The following COL21A1 variants were observed in gnomAD, a reference collection of about 807,000 sequenced individuals.
COL21A1 encodes collagen alpha-1(XXI) chain.
COL21A1 carries 149 observed loss-of-function variants against 137.9 expected under a neutral mutation model. The ratio of observed to expected loss-of-function variants is 1.08; its 90% confidence interval spans 0.95 to 1.24. The LOEUF is 1.24. Among genes scored for constraint, COL21A1 ranks in the 50% most tolerant of loss-of-function variants. The pLI, the probability that COL21A1 is intolerant of heterozygous loss-of-function variation, is 0.00. For missense variants in COL21A1, 1,167 were observed against 1,158.4 expected, an observed-to-expected ratio of 1.01 and a Z score of -0.11; for synonymous variants, 456 against 391.5, an observed-to-expected ratio of 1.16 and a Z score of -1.95.
chr6:56,101,549 AAT>A, intron 16 of COL21A1, 24 bp from the exon 17 acceptor site: 1 of 1,557,310 alleles, frequency 6.4e-7, no homozygotes. Context: ...GACAAAAAGA[AAT>A]AGAGAATTCA....
chr6:56,067,215 G>C (rs1766338246), intron 23 of COL21A1, 80 bp downstream of exon 23: 2 of 1,151,684 alleles, frequency 1.7e-6, no homozygotes, highest in African/African-American at 3.2e-5. Flanking sequence ...GAAACAGAAA[G>C]GAATTTAAAA....
At chr6:56,067,859 A>G (rs1449070513) in intron 22 of COL21A1, among the ~76,000 whole-genome samples, 1 of 151,680 alleles carries the variant, frequency 6.6e-6, no homozygotes, top group East Asian at 1.9e-4. Flanking sequence ...GAAATTAGAA[A>G]CCAACTTATA....
chr6:56,248,795 T>C, upstream of COL21A1, among the ~76,000 whole-genome samples: 1 of 152,202 alleles, frequency 6.6e-6, no homozygotes, highest in East Asian at 1.9e-4. Context: ...CATGTTAGAT[T>C]CTACTGTTAC....
At chr6:56,237,054 C>T (rs190367393) in intron 1 of COL21A1, among the ~76,000 whole-genome samples, 1 of 152,076 alleles carries the variant, frequency 6.6e-6, no homozygotes, top group East Asian at 1.9e-4. Flanking sequence ...GCAAAATGTG[C>T]CTTTTTCTCC....
Position 56,247,513 on chromosome 6 carries a change from C to T in COL21A1, c.-165G>A, listed in dbSNP as rs1013156126. Reference sequence around the variant, plus strand: ...ACCTGCGCTGAAACGGATTGGCTGCCCTCCGCCCGGAGTCCGTTCTCCCTG... The same window carrying T: ...ACCTGCGCTGAAACGGATTGGCTGCTCTCCGCCCGGAGTCCGTTCTCCCTG... On this transcript the variant is annotated 5_prime_UTR_variant, in exon 1 of 30. Coordinates refer to ENST00000244728, the MANE Select transcript of COL21A1 (RefSeq NM_030820.4). 2 of 152,400 alleles carry T rather than the reference C, an allele frequency of 1.3e-5. No individual in the cohort carries two copies. The highest frequency in any genetic ancestry group is 2.4e-5 in the African/African-American group (1 of 41,460). The allele number at this position is 152,400 out of a possible 1,614,324, so 9.4% of individuals were successfully genotyped here.
At chr6:56,369,464 T>A (rs1766178099) in intron 1 of COL21A1, among the ~76,000 whole-genome samples, 1 of 151,938 alleles carries the variant, frequency 6.6e-6, no homozygotes, top group African/African-American at 2.4e-5. Context: ...AAGTGTCTGA[T>A]GTTGAGACCC....
chr6:56,324,614 T>A (rs1490490896), intron 1 of COL21A1, among the ~76,000 whole-genome samples: 1 of 152,046 alleles, frequency 6.6e-6, no homozygotes, highest in African/African-American at 2.4e-5. Context: ...TGCACACATC[T>A]GATCATGGTG....
chr6:56,353,072 G>T (rs768138397), intron 1 of COL21A1, among the ~76,000 whole-genome samples: 5 of 152,064 alleles, frequency 3.3e-5, no homozygotes, highest in Non-Finnish European at 5.9e-5. Flanking sequence ...AAGATCTTCA[G>T]ATCGTGACTC....
chr6:56,243,095 A>G (rs1423687022), intron 1 of COL21A1, among the ~76,000 whole-genome samples: 1 of 152,202 alleles, frequency 6.6e-6, no homozygotes, highest in Non-Finnish European at 1.5e-5. Context: ...TATTACGCAA[A>G]TTCTAATATC....
At chr6:56,181,163 C>A (rs966459463) in intron 2 of COL21A1, among the ~76,000 whole-genome samples, 11 of 152,132 alleles carry the variant, frequency 7.2e-5, no homozygotes, top group African/African-American at 2.7e-4. Flanking sequence ...TGACATTATT[C>A]CTAAAGTGTT....
intron 1 of COL21A1, among the ~76,000 whole-genome samples, chr6:56,372,452 G>A (rs1208182182): frequency 6.6e-6 from 1 of 152,170 alleles, no homozygotes; most frequent in Non-Finnish European, 1.5e-5. Context: ...AACGCATCAA[G>A]AGTATTCAGA....
intron 12 of COL21A1, 39 bp downstream of exon 12, chr6:56,141,746 G>A (rs757803768): frequency 1.3e-6 from 2 of 1,596,956 alleles, no homozygotes; most frequent in South Asian, 1.1e-5. Context: ...TTATCTTTGA[G>A]GGACTAACAC....
intron 1 of COL21A1, among the ~76,000 whole-genome samples, chr6:56,189,996 T>C (rs1169059455): frequency 2.0e-5 from 3 of 152,040 alleles, no homozygotes; most frequent in African/African-American, 4.8e-5. Context: ...GAAAAACTGG[T>C]AGCAACCACT....
At chr6:56,087,205 T>A (rs777414272) in intron 17 of COL21A1, among the ~76,000 whole-genome samples, 4 of 152,206 alleles carry the variant, frequency 2.6e-5, no homozygotes, top group Non-Finnish European at 5.9e-5. Context: ...TAGAATTTTA[T>A]GTTTCAGGCT....
At chr6:56,175,464 A>T (rs1190579921) in intron 3 of COL21A1, among the ~76,000 whole-genome samples, 1 of 152,140 alleles carries the variant, frequency 6.6e-6, no homozygotes, top group Admixed American at 6.5e-5. Flanking sequence ...ATACAAATTC[A>T]ACATATAAAA....
At chr6:56,371,121 C>A (rs1159993904) in intron 1 of COL21A1, among the ~76,000 whole-genome samples, 2 of 152,180 alleles carry the variant, frequency 1.3e-5, no homozygotes, top group African/African-American at 4.8e-5. Flanking sequence ...AAGGGAAATT[C>A]AGCCAATAAG....
intron 16 of COL21A1, among the ~76,000 whole-genome samples, chr6:56,106,567 A>T (rs1470998486): frequency 6.6e-6 from 1 of 152,198 alleles, no homozygotes; most frequent in African/African-American, 2.4e-5. Flanking sequence ...AGAATCTACA[A>T]CTAAGAAGAC....
intron 22 of COL21A1, 137 bp downstream of exon 22, chr6:56,068,909 A>T: frequency 1.6e-6 from 1 of 643,714 alleles, no homozygotes; most frequent in Non-Finnish European, 2.7e-6. Flanking sequence ...AACATATTAT[A>T]CATACATCGA....
intron 1 of COL21A1, among the ~76,000 whole-genome samples, chr6:56,278,018 T>C (rs1763708192): frequency 6.6e-6 from 1 of 152,246 alleles, no homozygotes; most frequent in South Asian, 2.1e-4. Flanking sequence ...ATAATGATAT[T>C]GTTCAAAGTG....
Sources: gnomAD v4.1 joint callset for allele counts (sites outside exome capture counted in the v4.1 genomes callset) on GRCh38, gnomAD v4.1.1 for gene constraint, MANE v1.5 for transcripts, NCBI Gene and HGNC (gene_info 2026-07-23, HGNC 2026-07-21) for gene names.